GALNTL6: variants seen among roughly 807,000 people sequenced by gnomAD.
GALNTL6 encodes the protein polypeptide N-acetylgalactosaminyltransferase-like 6.
GALNTL6 carries 46 observed loss-of-function variants against 73.7 expected under a neutral mutation model. The ratio of observed to expected loss-of-function variants is 0.62; its 90% CI spans 0.49 to 0.80. GALNTL6 has a LOEUF of 0.80. GALNTL6 is among the 30% of genes least tolerant of loss of function. GALNTL6 has a pLI of 0.00. For synonymous variants in GALNTL6, 259 were observed against 263.7 expected, an observed-to-expected ratio of 0.98 and a Z score of 0.17; for missense variants, 604 against 755.0, an observed-to-expected ratio of 0.80 and a Z score of 2.34.
chr4:172,704,639 G>A (rs1734217797), intron 5 of GALNTL6, among the ~76,000 whole-genome samples: 1 of 151,956 alleles, frequency 6.6e-6, no homozygotes, highest in Non-Finnish European at 1.5e-5. Context: ...AATGTTCCAT[G>A]TGCCAACAAG....
chr4:171,974,465 C>G (rs935667048), intron 2 of GALNTL6, among the ~76,000 whole-genome samples: 2 of 152,106 alleles, frequency 1.3e-5, no homozygotes, highest in South Asian at 2.1e-4. Flanking sequence ...TATCCTGATT[C>G]TTTGTAGCAT....
chr4:172,069,443 TATGTAATATATAACACAC>T (rs1560909279), intron 2 of GALNTL6, among the ~76,000 whole-genome samples: 3 of 90,042 alleles, frequency 3.3e-5, no homozygotes, highest in Admixed American at 1.3e-4. Flanking sequence ...ATAACATATA[TATGTAATATATAACACAC>T]ATATAACATA....
intron 8 of GALNTL6, among the ~76,000 whole-genome samples, chr4:172,919,384 G>A (rs891318500): frequency 7.9e-5 from 12 of 152,014 alleles, no homozygotes; most frequent in Non-Finnish European, 1.5e-4. Flanking sequence ...AGGCATGGCC[G>A]CTGAAAGCTC....
At chr4:171,929,897 G>T (rs1295066063) in intron 2 of GALNTL6, among the ~76,000 whole-genome samples, 1 of 152,206 alleles carries the variant, frequency 6.6e-6, no homozygotes, top group Non-Finnish European at 1.5e-5. Context: ...CCCTGCACTT[G>T]CACTCACACC....
At chr4:172,304,609 A>T (rs895978021) in intron 3 of GALNTL6, among the ~76,000 whole-genome samples, 18 of 152,192 alleles carry the variant, frequency 1.2e-4, no homozygotes, top group African/African-American at 4.1e-4. Flanking sequence ...ACACTGATTT[A>T]TGTTTCTCTT....
At chr4:172,567,227 T>C (rs2110939783) in intron 5 of GALNTL6, among the ~76,000 whole-genome samples, 1 of 152,156 alleles carries the variant, frequency 6.6e-6, no homozygotes, top group Middle Eastern at 3.4e-3. Flanking sequence ...TAGTCTGGCT[T>C]ACTTTGGAGA....
At chr4:172,102,347 G>A (rs1732542592) in intron 2 of GALNTL6, among the ~76,000 whole-genome samples, 1 of 152,170 alleles carries the variant, frequency 6.6e-6, no homozygotes. Flanking sequence ...GAAGAATTCA[G>A]TTGATATAAC....
chr4:172,638,095 G>T (rs1045396549), intron 5 of GALNTL6, among the ~76,000 whole-genome samples: 1 of 151,988 alleles, frequency 6.6e-6, no homozygotes, highest in Admixed American at 6.6e-5. Flanking sequence ...CATAGTCATT[G>T]TTGCAATAAC....
At chr4:172,655,132 A>G (rs765235072) in intron 5 of GALNTL6, among the ~76,000 whole-genome samples, 5 of 152,234 alleles carry the variant, frequency 3.3e-5, no homozygotes, top group Non-Finnish European at 7.3e-5. Flanking sequence ...TCCATTTAAA[A>G]TTAGGAATTT....
At chr4:172,997,151 G>C (rs947839283) in intron 10 of GALNTL6, among the ~76,000 whole-genome samples, 3 of 152,114 alleles carry the variant, frequency 2.0e-5, no homozygotes, top group African/African-American at 7.2e-5. Context: ...CTAAACCCAA[G>C]GACTCACAGC....
intron 12 of GALNTL6, among the ~76,000 whole-genome samples, chr4:173,022,090 A>AGAAGGAAGGAAGGAAGGAAGGAAAGAAG (rs766332283): frequency 0.014 from 899 of 65,998 alleles, 38 homozygotes; most frequent in Non-Finnish European, 0.019. Context: ...AAGGAAGGAA[A>AGAAGGAAGGAAGGAAGGAAGGAAAGAAG]GAAGGAAGGA....
At chr4:172,404,852 T>C (rs1157068027) in intron 5 of GALNTL6, among the ~76,000 whole-genome samples, 1 of 152,058 alleles carries the variant, frequency 6.6e-6, no homozygotes, top group Admixed American at 6.6e-5. Context: ...GATTGTGTAA[T>C]GAAGAGCTAA....
At chr4:172,254,022 T>C (rs1354356) in intron 3 of GALNTL6, among the ~76,000 whole-genome samples, 85,755 of 151,498 alleles carry the variant, frequency 0.57, 25,512 homozygotes, top group African/African-American at 0.77. Flanking sequence ...TTTTAAATGG[T>C]CTGTCACCCA....
chr4:171,959,840 T>A (rs1227484208), intron 2 of GALNTL6, among the ~76,000 whole-genome samples: 1 of 152,182 alleles, frequency 6.6e-6, no homozygotes, highest in South Asian at 2.1e-4. Flanking sequence ...CAAATAGAAA[T>A]AATCTCCCTT....
intron 5 of GALNTL6, among the ~76,000 whole-genome samples, chr4:172,801,912 T>C (rs947360858): frequency 1.3e-5 from 2 of 152,136 alleles, no homozygotes; most frequent in African/African-American, 4.8e-5. Flanking sequence ...ATGATAAGGA[T>C]GATGACCTTC....
intron 2 of GALNTL6, among the ~76,000 whole-genome samples, chr4:171,882,804 G>A (rs111891534): frequency 7.6e-4 from 116 of 152,224 alleles, no homozygotes; most frequent in African/African-American, 2.5e-3. Context: ...ACAATACTTT[G>A]CATCCTTTAA....
chr4:172,569,548 C>T lies in GALNTL6; in HGVS notation c.553+220859C>T, dbSNP rs78269001. Among the ~76,000 whole-genome samples the T allele has an allele frequency of 4.2e-3, 639 of 152,246 alleles. 5 individuals carry two copies. The highest frequency in any genetic ancestry group is 0.015 in the African/African-American group (609 of 41,556). ...GCTTCAGCAAACCTGTGGCATTTACCGCTCTGTCTTCCTCTCCTACTCCAA... is the reference window on the plus strand; with the variant it reads ...GCTTCAGCAAACCTGTGGCATTTACTGCTCTGTCTTCCTCTCCTACTCCAA... On this transcript the variant is annotated intron_variant, in intron 5 of 12. Transcript: ENST00000506823.
chr4:172,801,791 G>T (rs1162378902), intron 5 of GALNTL6, among the ~76,000 whole-genome samples: 4 of 152,102 alleles, frequency 2.6e-5, no homozygotes, highest in African/African-American at 7.2e-5. Context: ...AACAACAGGG[G>T]TTTGAACTGT....
chr4:171,890,520 T>C (rs892935708), intron 2 of GALNTL6, among the ~76,000 whole-genome samples: 7 of 152,142 alleles, frequency 4.6e-5, no homozygotes, highest in Non-Finnish European at 1.0e-4. Context: ...TCTTGAAAGA[T>C]ATGAACTGAG....
Sources: gnomAD v4.1 joint callset for allele counts (sites outside exome capture counted in the v4.1 genomes callset) on GRCh38, gnomAD v4.1.1 for gene constraint, MANE v1.5 for transcripts, NCBI Gene and HGNC (gene_info 2026-07-23, HGNC 2026-07-21) for gene names.